The following UPP1 variants were observed in gnomAD, a reference collection of about 807,000 sequenced individuals.
UPP1 encodes the protein UPase 1.
In UPP1, 25 loss-of-function variants were observed where a neutral mutation model predicts 29.6. The ratio of observed to expected loss-of-function variants is 0.85; its 90% confidence interval spans 0.62 to 1.18. The LOEUF is 1.18. UPP1 is among the 50% of genes most tolerant of loss of function. The probability of loss-of-function intolerance (pLI) is 0.00; values close to 1 mark genes in which losing one functional copy is unlikely to be tolerated. For missense variants in UPP1, 368 were observed against 410.4 expected, an observed-to-expected ratio of 0.90 and a Z score of 0.89; for synonymous variants, 165 against 159.8, an observed-to-expected ratio of 1.03 and a Z score of -0.25.
intron 2 of UPP1, among the ~76,000 whole-genome samples, chr7:48,092,828 G>C (rs560470871): frequency 3.3e-5 from 5 of 151,454 alleles, no homozygotes; most frequent in African/African-American, 9.7e-5. Context: ...TCAGCCTCCC[G>C]AGTAGCTGGG....
chr7:48,103,346 A>G lies in UPP1; in HGVS notation c.371A>G (p.Lys124Arg). ...TCAATCATGTTGCATGAGCTCATAAAGCTGCTGTACTATGCCCGGTGCTCC... is the reference window on the plus strand; with the variant it reads ...TCAATCATGTTGCATGAGCTCATAAGGCTGCTGTACTATGCCCGGTGCTCC... ...SISIMLHELI[K>R]LLYYARCSNV... The change falls in exon 6 of 9, where the codon AAG (lysine) becomes AGG (arginine). Residue 124 changes from lysine to arginine, a missense_variant. Transcript: ENST00000395564. 1 of 1,614,028 alleles carries G rather than the reference A, an allele frequency of 6.2e-7. No individual in the cohort carries two copies. The highest frequency in any genetic ancestry group is 8.5e-7 in the Non-Finnish European group (1 of 1,179,938).
At chr7:48,106,587 C>T (rs1407587324) in intron 6 of UPP1, 3 of 357,414 alleles carry the variant, frequency 8.4e-6, no homozygotes, top group South Asian at 2.6e-5. Flanking sequence ...CTTGGGATTA[C>T]AGGCGTGGGC....
In UPP1 at chr7:48,107,099, GAGGAGGCATCTTTCAGCC is replaced by G; in HGVS notation, c.646+21_646+38del. On this transcript the variant is annotated intron_variant, in intron 7 of 8. Transcript: ENST00000395564. ...TCTATGAAGGTGAGGCAGCGGATACGAGGAGGCATCTTTCAGCCAGGGAACCCTGGTCCGTCCCCTGAG... is the reference window on the plus strand; with the variant it reads ...TCTATGAAGGTGAGGCAGCGGATACGAGGGAACCCTGGTCCGTCCCCTGAG... The G allele has an allele frequency of 1.2e-6, 2 of 1,609,252 alleles. No homozygotes were observed. The highest frequency in any genetic ancestry group is 8.5e-7 in the Non-Finnish European group (1 of 1,177,948).
At chr7:48,106,620 T>C (rs1188375283) in intron 6 of UPP1, 2 of 441,490 alleles carry the variant, frequency 4.5e-6, no homozygotes, top group African/African-American at 2.0e-5. Flanking sequence ...CCCTCTACTT[T>C]GTTTTTTGTG....
intron 3 of UPP1, 43 bp from the exon 4 acceptor site, chr7:48,099,627 C>A: frequency 1.5e-6 from 2 of 1,361,084 alleles, no homozygotes; most frequent in Non-Finnish European, 2.1e-6. Flanking sequence ...GGCTGTCGGG[C>A]ACTGATGTTC....
intron 6 of UPP1, chr7:48,105,962 G>A (rs1020123840): frequency 6.6e-6 from 1 of 152,198 alleles, no homozygotes; most frequent in Admixed American, 6.5e-5. Context: ...AAGGGGCAGA[G>A]TAATGTCCCT....
At chr7:48,096,303 T>C (rs1792127522) in intron 3 of UPP1, among the ~76,000 whole-genome samples, 2 of 152,072 alleles carry the variant, frequency 1.3e-5, no homozygotes, top group South Asian at 2.1e-4. Flanking sequence ...TTAGGAAGGA[T>C]GTGACCTTGG....
chr7:48,105,488 CAT>C (rs1249639252), intron 6 of UPP1: 4 of 152,212 alleles, frequency 2.6e-5, no homozygotes, highest in Non-Finnish European at 1.5e-5. Context: ...TTCCCTCCCA[CAT>C]GTTTAGGAAA....
chr7:48,099,883 A>G, intron 4 of UPP1, 96 bp downstream of exon 4: 1 of 815,298 alleles, frequency 1.2e-6, no homozygotes, highest in South Asian at 1.5e-5. Flanking sequence ...TTGAGAGACC[A>G]CAGCTGACAG....
chr7:48,101,242 A>T (rs73694338), intron 4 of UPP1, among the ~76,000 whole-genome samples: 5,576 of 151,078 alleles, frequency 0.037, 237 homozygotes, highest in African/African-American at 0.11. Flanking sequence ...ACTTAAAAAA[A>T]TTTTTTTTTT....
intron 6 of UPP1, chr7:48,103,953 C>A: frequency 8.0e-7 from 1 of 1,246,594 alleles, no homozygotes; most frequent in Admixed American, 2.6e-5. Flanking sequence ...GGCGCGGTGG[C>A]TCACACCTGT....
intron 3 of UPP1, among the ~76,000 whole-genome samples, chr7:48,095,575 C>T (rs1792084924): frequency 2.0e-5 from 3 of 152,292 alleles, no homozygotes; most frequent in South Asian, 4.1e-4. Flanking sequence ...CAATGCTCTT[C>T]TCCTCCTCCA....
rs539222860 is a variant in UPP1 at position 48,091,780 on chromosome 7, G to A, written c.-22+1416G>A. ...CCTGCAGGTACTAAGATTGCAAAGGGAAAGAGAGAGTGAGGCTGGTCCTGG... is the reference window on the plus strand; with the variant it reads ...CCTGCAGGTACTAAGATTGCAAAGGAAAAGAGAGAGTGAGGCTGGTCCTGG... On this transcript the variant is annotated intron_variant, in intron 2 of 8. Coordinates refer to ENST00000395564, the MANE Select transcript of UPP1 (RefSeq NM_003364.4). 6.6e-5 allele frequency among the ~76,000 whole-genome samples: 10 copies of A among 152,304 alleles called. No homozygotes were observed. The East Asian group carries it at 1.9e-3, about 29-fold the overall frequency.
At chr7:48,106,470 C>G (rs1427213921) in intron 6 of UPP1, 1 of 198,910 alleles carries the variant, frequency 5.0e-6, no homozygotes, top group Non-Finnish European at 1.1e-5. Flanking sequence ...GGCACAATGC[C>G]TGGCTAATTT....
In UPP1 at chr7:48,098,870, G is replaced by T. The variant is rs573833569; in HGVS notation, c.45-800G>T. 1.2e-4 allele frequency among the ~76,000 whole-genome samples: 19 copies of T among 152,276 alleles called. No homozygotes were observed. In the East Asian group the frequency reaches 2.5e-3, roughly 20 times the overall value. On this transcript the variant is annotated intron_variant, in intron 3 of 8. Transcript: ENST00000395564. Reference sequence around the variant, plus strand: ...TTTGAGGCTGGCTCTAAGGGACTTCGACAGGCTTGAGGGACTCATCTAGAC... The same window carrying T: ...TTTGAGGCTGGCTCTAAGGGACTTCTACAGGCTTGAGGGACTCATCTAGAC...
Position 48,101,936 on chromosome 7 carries a change from C to T in UPP1, c.275C>T (p.Thr92Ile). 2 of 1,614,056 alleles carry T rather than the reference C, an allele frequency of 1.2e-6. No individual in the cohort carries two copies. The highest frequency in any genetic ancestry group is 1.7e-6 in the Non-Finnish European group (2 of 1,179,986). ...GACTATCCCAACATCTGTGCGGGAA[C>T]TGACCGCTATGCCATGTATAAAGTA... ...GRDYPNICAG[T>I]DRYAMYKVGP... The change falls in exon 5 of 9, where the codon ACT becomes ATT. Residue 92 changes from threonine to isoleucine, a missense_variant. Thr to Ile is a moderately conservative substitution (Grantham distance 89, BLOSUM62 -1). Coordinates refer to ENST00000395564, the MANE Select transcript of UPP1 (RefSeq NM_003364.4).
rs910875302 is a variant in UPP1 at position 48,103,907 on chromosome 7, T to C, written c.436+496T>C. The C allele has an allele frequency of 1.1e-5, 11 of 1,044,958 alleles. No homozygotes were observed. In the African/African-American group the frequency reaches 1.3e-4, roughly 12 times the overall value. The allele number at this position is 1,044,958 out of a possible 1,614,324, so 64.7% of individuals were successfully genotyped here. ...AATGTCCCTATCCTCAACAGGGACA[T>C]TTTTTTTTTGTTTAAAAAACAAAGA... On this transcript the variant is annotated intron_variant, in intron 6 of 8. Coordinates refer to ENST00000395564, the MANE Select transcript of UPP1 (RefSeq NM_003364.4).
In UPP1 at chr7:48,108,429, G is replaced by A; in HGVS notation, c.*72G>A. On this transcript the variant is annotated 3_prime_UTR_variant, in exon 9 of 9. Transcript: ENST00000395564. ...AAAGCATTGTCCAAAATCCCCTGTT[G>A]TGTGGACTTTGAGCACACTTTACAC... The A allele has an allele frequency of 6.5e-7, 1 of 1,529,502 alleles. No individual in the cohort carries two copies. Among genetic ancestry groups the A allele is most frequent in the Admixed American group, 1.9e-5 (1 of 52,994 alleles). The allele number at this position is 1,529,502 out of a possible 1,614,324, so 94.7% of individuals were successfully genotyped here.
chr7:48,093,645 T>C (rs907646924), intron 2 of UPP1, among the ~76,000 whole-genome samples: 1 of 152,106 alleles, frequency 6.6e-6, no homozygotes, highest in African/African-American at 2.4e-5. Context: ...GTCTTGGGGG[T>C]TTCTGACTAC....
Sources: allele counts gnomAD v4.1 joint callset (sites outside exome capture counted in the v4.1 genomes callset), GRCh38; gene constraint gnomAD v4.1.1; transcripts MANE v1.5; gene names NCBI Gene and HGNC (gene_info 2026-07-23, HGNC 2026-07-21).